The following MUC6 variants were observed in gnomAD, a reference collection of about 807,000 sequenced individuals.
MUC6 encodes mucin 6, oligomeric mucus/gel-forming (gene/pseudogene).
MUC6 carries 188 observed loss-of-function variants against 201.5 expected under a neutral mutation model. That is an observed-to-expected ratio of 0.93 (90% confidence interval 0.83 to 1.05). MUC6 has a LOEUF of 1.05. Ranked by LOEUF, MUC6 falls within the 50% of genes least tolerant of loss-of-function variation. MUC6 has a pLI of 0.00. For synonymous variants in MUC6, 1,228 were observed against 1,389.4 expected, an observed-to-expected ratio of 0.88 and a Z score of 2.58; for missense variants, 2,706 against 3,256.9, an observed-to-expected ratio of 0.83 and a Z score of 4.12.
At position 1,017,609 on chromosome 11, in the gene MUC6, C is replaced by T. The variant is rs557325875; in HGVS notation, c.5192G>A (p.Ser1731Asn). The T allele has an allele frequency of 6.4e-6, 7 of 1,091,584 alleles. No homozygotes were observed. The highest frequency in any genetic ancestry group is 3.3e-5 in the Admixed American group (1 of 29,870). The allele number at this position is 1,091,584 out of a possible 1,614,324, so 67.6% of individuals were successfully genotyped here. Residue 1731 changes from serine to asparagine, a missense_variant, in exon 31 of 33, where the codon AGT (serine) becomes AAT (asparagine). By Grantham distance (46) the Ser-to-Asn change is conservative. This residue lies in a region of MUC6 where 23 missense variants were observed against 16.1 expected (regional missense o/e 1.42). Transcript: ENST00000421673. ...TGAGCTTCGGGATTGGCTGGTCCCA[C>T]TGGTGGTCACTGTCATTGGTGGGGT... ...TGTPPMTVTT[S>N]GTSQSRSSFS...
chr11:1,027,090 A>G, intron 18 of MUC6, 40 bp from the exon 19 acceptor site: 4 of 1,609,588 alleles, frequency 2.5e-6, no homozygotes, highest in Non-Finnish European at 3.4e-6. Context: ...CACTCAGAGG[A>G]AGCCGGGGCC....
In MUC6 at chr11:1,023,947, G is replaced by A. The variant is rs1348411160; in HGVS notation, c.3382C>T (p.Pro1128Ser). ...ACCTGTGGGAGGGGTGGTCACTCAC[G>A]GCAGAAGGCCGGGGTCCTCCAGTCC... The part of the protein sequence containing the change: ...CVDWRTPAFC[P>S]IYCGFYNTHT... The change falls in exon 25 of 33, where the codon CCC becomes TCC. Residue 1128 changes from proline to serine, a missense_variant and splice_region_variant. Pro to Ser is a moderately conservative substitution (Grantham distance 74, BLOSUM62 -1). This residue lies in a region of MUC6 where 1,850 missense variants were observed against 1,958.3 expected (regional missense o/e 0.94). Coordinates refer to ENST00000421673, the MANE Select transcript of MUC6 (RefSeq NM_005961.3). 1 of 1,612,004 alleles carries A rather than the reference G, an allele frequency of 6.2e-7. No individual in the cohort carries two copies. The highest frequency in any genetic ancestry group is 8.5e-7 in the Non-Finnish European group (1 of 1,179,412).
intron 1 of MUC6, among the ~76,000 whole-genome samples, chr11:1,036,103 C>T (rs949638365): frequency 1.3e-5 from 2 of 152,092 alleles, no homozygotes; most frequent in Non-Finnish European, 2.9e-5. Context: ...TACACCTTCC[C>T]CCCTCTTCCC....
rs551015948 is a variant in MUC6 at position 1,018,568 on chromosome 11, C to T, written c.4233G>A (p.Thr1411=). 3.9e-5 allele frequency: 63 copies of T among 1,600,580 alleles called. No homozygotes were observed. Among genetic ancestry groups the T allele is most frequent in the Admixed American group, 7.0e-5 (4 of 57,028 alleles). ...CTGTGGAAGGGACGGGACTCCCCGC[C>T]GTAGGCGGGGAGTGTGTGGTGTGTG... is the stretch of plus-strand genomic sequence containing the variant. ...QTPHTTHSPP[T]AGSPVPSTGP... Residue 1411 remains threonine, a synonymous_variant, in exon 31 of 33, where the codon ACG becomes ACA. Coordinates refer to ENST00000421673, the MANE Select transcript of MUC6 (RefSeq NM_005961.3).
rs2133808624 is a variant in MUC6, at chr11:1,013,436, G to A, written c.*20C>T. On this transcript the variant is annotated 3_prime_UTR_variant, in exon 33 of 33. Transcript: ENST00000421673. The stretch of plus-strand genomic sequence containing the variant: ...GTCATCTGCAGTCCTTCAGCCCCAG[G>A]AGAGCAGGCAGCGACCCTGCTAGTC... 1 of 1,558,918 alleles carries A rather than the reference G, an allele frequency of 6.4e-7. No individual in the cohort carries two copies. Among genetic ancestry groups the A allele is most frequent in the Middle Eastern group, 2.1e-4 (1 of 4,706 alleles).
chr11:1,028,529 G>A lies in MUC6; in HGVS notation c.1591+117C>T, dbSNP rs1180547483. ...GGCCACACGTGCCTGTTACCCCTGG[G>A]GGCTCCCCGGACACAGAGGGTTGTG... On this transcript the variant is annotated intron_variant, in intron 13 of 32. Transcript: ENST00000421673. The A allele has an allele frequency of 5.2e-6, 8 of 1,535,120 alleles. No individual in the cohort carries two copies. In the Admixed American group the frequency reaches 1.6e-4, roughly 30 times the overall value.
At chr11:1,019,570 G>A in intron 29 of MUC6, 74 bp from the exon 30 acceptor site, 2 of 1,374,312 alleles carry the variant, frequency 1.5e-6, no homozygotes, top group Non-Finnish European at 1.0e-6. Flanking sequence ...CCAGCCCCCT[G>A]CCCTGCTTCT....
intron 24 of MUC6, 120 bp from the exon 25 acceptor site, chr11:1,024,223 T>A: frequency 8.3e-7 from 1 of 1,207,908 alleles, no homozygotes; most frequent in Non-Finnish European, 1.1e-6. Context: ...GCGCTGGGAC[T>A]GGGTGAGCGG....
Position 1,013,562 on chromosome 11 carries a change from T to C in MUC6, c.7214A>G (p.Gln2405Arg), listed in dbSNP as rs751664732. 2.5e-6 allele frequency: 4 copies of C among 1,574,270 alleles called. No homozygotes were observed. The East Asian group carries it at 9.4e-5, about 37-fold the overall frequency. ...GGGATCGGGGCAGGGCAGCTCCAGC[T>C]GCTGCTCATAGGAGTGGAGGGGGCG... ...CCRPLHSYEQQLELPCPDPST... is the reference protein window; with the variant it reads ...CCRPLHSYEQRLELPCPDPST... The change falls in exon 33 of 33, where the codon CAG becomes CGG. Residue 2405 changes from glutamine (Q) to arginine (R), a missense_variant. By Grantham distance (43) the Gln-to-Arg change is conservative. Coordinates refer to ENST00000421673, the MANE Select transcript of MUC6 (RefSeq NM_005961.3).
At chr11:1,032,953 C>T in intron 2 of MUC6, 60 bp downstream of exon 2, 1 of 1,498,468 alleles carries the variant, frequency 6.7e-7, no homozygotes, top group Non-Finnish European at 9.0e-7. Context: ...GGGCCCCTCT[C>T]TCCTGCACAC....
At chr11:1,030,139 G>C (rs1857066124) in intron 8 of MUC6, 74 bp downstream of exon 8, 1 of 1,462,120 alleles carries the variant, frequency 6.8e-7, no homozygotes, top group East Asian at 2.5e-5. Context: ...GGGGTGGGTG[G>C]GGTCTGACGT....
At position 1,018,227 on chromosome 11, in the gene MUC6, A is replaced by C. The variant is rs550822049; in HGVS notation, c.4574T>G (p.Leu1525Arg). ...SFSTNKTPTS[L>R]HSHTSSTHHP... ...GTGTGTGGAGGAAGTGTGTGAATGT[A>C]GCGAGGTAGGTGTTTTGTTTGTGCT... The change falls in exon 31 of 33, where the codon CTA becomes CGA. Residue 1525 changes from leucine to arginine, a missense_variant. Leu to Arg is a moderately radical substitution (Grantham distance 102). Coordinates refer to ENST00000421673, the MANE Select transcript of MUC6 (RefSeq NM_005961.3). 4.4e-6 allele frequency: 7 copies of C among 1,605,620 alleles called. No individual in the cohort carries two copies. In the African/African-American group the frequency reaches 8.2e-5, roughly 19 times the overall value.
chr11:1,032,411 C>T (rs1857128757), intron 2 of MUC6, among the ~76,000 whole-genome samples: 1 of 151,180 alleles, frequency 6.6e-6, no homozygotes. Context: ...GAGATATACA[C>T]CTGCATGTGT....
At chr11:1,031,519 G>A in intron 4 of MUC6, 88 bp downstream of exon 4, 1 of 1,508,866 alleles carries the variant, frequency 6.6e-7, no homozygotes, top group Non-Finnish European at 8.8e-7. Flanking sequence ...GGCTGGCTGG[G>A]ACCCCCAAGG....
Position 1,028,404 on chromosome 11 carries a change from TG to T in MUC6, c.1592-18del. The T allele has an allele frequency of 6.2e-7, 1 of 1,609,394 alleles. No individual in the cohort carries two copies. The highest frequency in any genetic ancestry group is 1.1e-5 in the South Asian group (1 of 90,824). The stretch of plus-strand genomic sequence containing the variant: ...CGCAGAGCCCTGAGCCGGCGGGGCG[TG>T]AGCTCGACTTGAACCCATCCCTCCT... On this transcript the variant is annotated intron_variant, in intron 13 of 32. Coordinates refer to ENST00000421673, the MANE Select transcript of MUC6 (RefSeq NM_005961.3).
intron 31 of MUC6, 63 bp from the exon 32 acceptor site, chr11:1,014,064 C>T: frequency 1.4e-6 from 2 of 1,437,586 alleles, no homozygotes; most frequent in Non-Finnish European, 1.9e-6. Flanking sequence ...GGGAGGGAAA[C>T]CCTGGCTAGA....
chr11:1,016,661 G>A lies in MUC6; in HGVS notation c.6140C>T (p.Pro2047Leu). The change falls in exon 31 of 33, where the codon CCT becomes CTT. Residue 2047 changes from proline to leucine, a missense_variant. Coordinates refer to ENST00000421673, the MANE Select transcript of MUC6 (RefSeq NM_005961.3). Reference sequence around the variant, plus strand: ...TGTGGCCTTGAGCGTTGTTGGTGGAGGAACGGTGCCTGTTGGCGTTGAGTG... The same window carrying A: ...TGTGGCCTTGAGCGTTGTTGGTGGAAGAACGGTGCCTGTTGGCGTTGAGTG... ...SIHSTPTGTVPPPTTLKATGS... is the reference protein window; with the variant it reads ...SIHSTPTGTVLPPTTLKATGS... 1.2e-6 allele frequency: 2 copies of A among 1,614,152 alleles called. No homozygotes were observed. The highest frequency in any genetic ancestry group is 1.7e-6 in the Non-Finnish European group (2 of 1,179,928).
chr11:1,018,953 C>A (rs1373116055), intron 30 of MUC6, among the ~76,000 whole-genome samples, 183 bp from the exon 31 acceptor site: 1 of 152,196 alleles, frequency 6.6e-6, no homozygotes. Flanking sequence ...ACTTGCTCCA[C>A]ATCCTGCCCT....
rs760567898 is a variant in MUC6 at position 1,025,913 on chromosome 11, G to C, written c.2691C>G (p.Asp897Glu). 1.9e-6 allele frequency: 3 copies of C among 1,609,172 alleles called. No individual in the cohort carries two copies. Among genetic ancestry groups the C allele is most frequent in the Non-Finnish European group, 2.5e-6 (3 of 1,178,294 alleles). Residue 897 changes from aspartate (D) to glutamate (E), a missense_variant and splice_region_variant, in exon 22 of 33, where the codon GAC becomes GAG. By Grantham distance (45) the Asp-to-Glu change is conservative. Transcript: ENST00000421673. ...GCTGTGAGTCGTTGACACCACAGACGTCCTGCAGGGAGAGGGCGCTGAGGA... is the reference window on the plus strand; with the variant it reads ...GCTGTGAGTCGTTGACACCACAGACCTCCTGCAGGGAGAGGGCGCTGAGGA... ...DGNCEYILAT[D>E]VCGVNDSQPT...
Sources: allele counts gnomAD v4.1 joint callset (sites outside exome capture counted in the v4.1 genomes callset), GRCh38; gene constraint gnomAD v4.1.1; regional missense constraint gnomAD v4.1.1; transcripts MANE v1.5; gene names NCBI Gene and HGNC (gene_info 2026-07-23, HGNC 2026-07-21).